The following SPAG16 variants were observed in gnomAD, a reference collection of about 807,000 sequenced individuals.
SPAG16 encodes sperm associated antigen 16, also known as sperm-associated antigen 16 protein.
Under a neutral mutation model 80.4 loss-of-function variants are expected in SPAG16, and 86 were observed. The ratio of observed to expected loss-of-function variants is 1.07; its 90% CI spans 0.90 to 1.28. SPAG16 has a LOEUF of 1.28. Ranked by LOEUF, SPAG16 falls within the 50% of genes most tolerant of loss-of-function variation. The probability of loss-of-function intolerance (pLI) is 0.00; values close to 1 mark genes in which losing one functional copy is unlikely to be tolerated. For missense variants in SPAG16, 870 were observed against 765.3 expected, an observed-to-expected ratio of 1.14 and a Z score of -1.61; for synonymous variants, 294 against 265.9, an observed-to-expected ratio of 1.11 and a Z score of -1.03.
chr2:213,919,438 C>A (rs948026282), intron 11 of SPAG16, among the ~76,000 whole-genome samples: 1 of 152,090 alleles, frequency 6.6e-6, no homozygotes, highest in African/African-American at 2.4e-5. Context: ...ATAAATTTTC[C>A]TGTTAACACT....
chr2:214,303,041 G>T (rs773451668), intron 15 of SPAG16, among the ~76,000 whole-genome samples: 1 of 152,162 alleles, frequency 6.6e-6, no homozygotes, highest in Non-Finnish European at 1.5e-5. Context: ...CTTGAAGACG[G>T]CAGATAGTTG....
At chr2:214,033,665 CAAGTGTT>C (rs67057975) in intron 13 of SPAG16, among the ~76,000 whole-genome samples, 16,629 of 152,026 alleles carry the variant, frequency 0.11, 1,084 homozygotes, top group East Asian at 0.29. Context: ...CCAGATTTCC[CAAGTGTT>C]AACATTTTAC....
intron 12 of SPAG16, among the ~76,000 whole-genome samples, chr2:213,998,885 C>T (rs2046655546): frequency 6.6e-6 from 1 of 152,106 alleles, no homozygotes; most frequent in African/African-American, 2.4e-5. Context: ...ATTTGTGGAA[C>T]TTTGAACTTG....
chr2:213,911,330 A>G (rs182674247), intron 11 of SPAG16, among the ~76,000 whole-genome samples: 128 of 152,224 alleles, frequency 8.4e-4, no homozygotes, highest in Non-Finnish European at 1.2e-3. Flanking sequence ...TTTTTTCTAG[A>G]GACGAGGTTT....
chr2:213,597,025 C>T (rs60038353), intron 10 of SPAG16, among the ~76,000 whole-genome samples: 2 of 152,098 alleles, frequency 1.3e-5, no homozygotes, highest in African/African-American at 4.8e-5. Context: ...AAAGACATTA[C>T]AAGACACCAA....
At chr2:213,320,551 C>G (rs1490010849) in intron 5 of SPAG16, among the ~76,000 whole-genome samples, 1 of 151,940 alleles carries the variant, frequency 6.6e-6, no homozygotes, top group Non-Finnish European at 1.5e-5. Context: ...CTTCATCTCC[C>G]CTTTCCACCC....
intron 12 of SPAG16, among the ~76,000 whole-genome samples, chr2:213,964,412 G>C (rs910603224): frequency 1.3e-5 from 2 of 152,060 alleles, no homozygotes; most frequent in African/African-American, 4.8e-5. Context: ...AGGCAGGTTA[G>C]CTAGCAATAA....
chr2:213,520,235 A>G (rs947189893), intron 10 of SPAG16, among the ~76,000 whole-genome samples: 1 of 152,138 alleles, frequency 6.6e-6, no homozygotes, highest in African/African-American at 2.4e-5. Flanking sequence ...CACAGCCTCC[A>G]GAAGGAATAT....
intron 5 of SPAG16, chr2:213,317,733 G>A (rs2063460044): frequency 3.0e-6 from 3 of 986,316 alleles, no homozygotes; most frequent in Non-Finnish European, 3.6e-6. Context: ...TTTATTCCTG[G>A]TAGAGGAATT....
At chr2:213,688,861 A>C (rs1400630973) in intron 10 of SPAG16, among the ~76,000 whole-genome samples, 1 of 152,132 alleles carries the variant, frequency 6.6e-6, no homozygotes, top group African/African-American at 2.4e-5. Flanking sequence ...TTCTATCACC[A>C]GACATTTTAT....
At chr2:214,156,736 G>A (rs944545369) in intron 15 of SPAG16, among the ~76,000 whole-genome samples, 1 of 152,166 alleles carries the variant, frequency 6.6e-6, no homozygotes, top group Non-Finnish European at 1.5e-5. Context: ...CCAGGTTGCA[G>A]TCAACTATAG....
chr2:214,229,667 CA>C (rs1350157765), intron 15 of SPAG16, among the ~76,000 whole-genome samples: 1 of 151,388 alleles, frequency 6.6e-6, no homozygotes, highest in East Asian at 1.9e-4. Context: ...AGATTAAAAA[CA>C]AAAACAATAG....
At chr2:214,063,975 C>T (rs1053396396) in intron 13 of SPAG16, among the ~76,000 whole-genome samples, 6 of 152,118 alleles carry the variant, frequency 3.9e-5, no homozygotes, top group Non-Finnish European at 8.8e-5. Flanking sequence ...TAAATACCTG[C>T]TGAATGAATG....
At chr2:214,047,400 T>C (rs113573001) in intron 13 of SPAG16, among the ~76,000 whole-genome samples, 4,250 of 152,040 alleles carry the variant, frequency 0.028, 122 homozygotes, top group South Asian at 0.14. Flanking sequence ...ACACCTACAG[T>C]GAACTCACTT....
chr2:213,460,574 G>A (rs1020432236), intron 9 of SPAG16, among the ~76,000 whole-genome samples: 1 of 152,122 alleles, frequency 6.6e-6, no homozygotes, highest in Non-Finnish European at 1.5e-5. Flanking sequence ...AAAAATGTTT[G>A]CAATAATTTA....
chr2:213,758,433 A>G (rs1372615314), intron 10 of SPAG16, among the ~76,000 whole-genome samples: 1 of 152,096 alleles, frequency 6.6e-6, no homozygotes, highest in Non-Finnish European at 1.5e-5. Flanking sequence ...TCAAAGAACT[A>G]CAGGAAGATA....
chr2:213,727,968 C>G (rs930032557), intron 10 of SPAG16, among the ~76,000 whole-genome samples: 1 of 152,022 alleles, frequency 6.6e-6, no homozygotes. Flanking sequence ...TCTTCTTCAG[C>G]CTCCTGAGTA....
chr2:213,555,209 C>G (rs1482660949), intron 10 of SPAG16, among the ~76,000 whole-genome samples: 2 of 152,160 alleles, frequency 1.3e-5, no homozygotes, highest in Non-Finnish European at 2.9e-5. Flanking sequence ...GGAAAAACAA[C>G]CTGCCAACCA....
chr2:213,721,425 T>C (rs1476174104), intron 10 of SPAG16, among the ~76,000 whole-genome samples: 2 of 152,226 alleles, frequency 1.3e-5, no homozygotes, highest in Non-Finnish European at 2.9e-5. Context: ...GCAGTATATC[T>C]TGCTAATCAA....
Sources: allele counts gnomAD v4.1 joint callset (sites outside exome capture counted in the v4.1 genomes callset), GRCh38; gene constraint gnomAD v4.1.1; transcripts MANE v1.5; gene names NCBI Gene and HGNC (gene_info 2026-07-23, HGNC 2026-07-21).